The following TRDN variants were observed in gnomAD, a reference collection of about 807,000 sequenced individuals.
TRDN encodes the protein triadin.
TRDN carries 161 observed loss-of-function variants against 149.7 expected under a neutral mutation model. That is an observed-to-expected ratio of 1.08 (90% CI 0.95 to 1.23). The LOEUF (loss-of-function observed/expected upper bound fraction) is 1.23, where lower values mean the gene tolerates loss of function less well. Ranked by LOEUF, TRDN falls within the 50% of genes most tolerant of loss-of-function variation. The probability of loss-of-function intolerance (pLI) is 0.00; values close to 1 mark genes in which losing one functional copy is unlikely to be tolerated. For missense variants in TRDN, 896 were observed against 823.5 expected, an observed-to-expected ratio of 1.09 and a Z score of -1.08; for synonymous variants, 294 against 250.5, an observed-to-expected ratio of 1.17 and a Z score of -1.64.
At chr6:123,249,182 T>C (rs1449042147) in intron 38 of TRDN, among the ~76,000 whole-genome samples, 2 of 151,992 alleles carry the variant, frequency 1.3e-5, no homozygotes. Flanking sequence ...AACAAACATA[T>C]GAAAACATGC....
intron 24 of TRDN, among the ~76,000 whole-genome samples, chr6:123,308,875 T>C (rs1778711145): frequency 6.6e-6 from 1 of 152,114 alleles, no homozygotes; most frequent in Non-Finnish European, 1.5e-5. Flanking sequence ...ATGTCATTAG[T>C]AGTTTTCAAT....
intron 7 of TRDN, chr6:123,509,710 A>G (rs1779082275): frequency 6.6e-6 from 1 of 152,200 alleles, no homozygotes; most frequent in Non-Finnish European, 1.5e-5. Context: ...TTCTTGATCC[A>G]CAGAAACTGT....
chr6:123,565,088 A>G (rs926885350), intron 2 of TRDN, among the ~76,000 whole-genome samples: 3 of 152,206 alleles, frequency 2.0e-5, no homozygotes, highest in African/African-American at 7.2e-5. Flanking sequence ...TTGTTTAGCG[A>G]GAAAGTTGTC....
chr6:123,391,879 G>A (rs534854863), intron 13 of TRDN, among the ~76,000 whole-genome samples: 4 of 152,048 alleles, frequency 2.6e-5, no homozygotes, highest in African/African-American at 7.2e-5. Context: ...TTGTCTCCAC[G>A]TGAAGTACTT....
chr6:123,506,441 A>T (rs1778927836), intron 7 of TRDN, among the ~76,000 whole-genome samples: 2 of 151,080 alleles, frequency 1.3e-5, no homozygotes, highest in South Asian at 4.2e-4. Context: ...TATTTTCTAT[A>T]TTTTTCCACA....
At chr6:123,552,274 C>A (rs931094886) in intron 2 of TRDN, among the ~76,000 whole-genome samples, 1 of 151,974 alleles carries the variant, frequency 6.6e-6, no homozygotes, top group African/African-American at 2.4e-5. Context: ...ACAAGAGAGG[C>A]CAAGAAAAGT....
chr6:123,227,322 G>T (rs530477704), intron 38 of TRDN, among the ~76,000 whole-genome samples: 1 of 152,004 alleles, frequency 6.6e-6, no homozygotes, highest in Admixed American at 6.6e-5. Flanking sequence ...GTAAGAACAA[G>T]AGATTGGTAC....
intron 40 of TRDN, among the ~76,000 whole-genome samples, chr6:123,219,827 C>A (rs1056650650): frequency 2.4e-4 from 37 of 151,742 alleles, no homozygotes; most frequent in African/African-American, 8.0e-4. Context: ...GTTAGGCAGG[C>A]TACAAGAGGG....
intron 38 of TRDN, among the ~76,000 whole-genome samples, chr6:123,247,967 T>G (rs1363884751): frequency 6.6e-6 from 1 of 152,076 alleles, no homozygotes; most frequent in African/African-American, 2.4e-5. Flanking sequence ...CACCTGATCT[T>G]TGACAGACCT....
intron 4 of TRDN, among the ~76,000 whole-genome samples, chr6:123,537,100 T>G (rs1780589299): frequency 6.6e-6 from 1 of 152,286 alleles, no homozygotes; most frequent in Middle Eastern, 3.4e-3. Context: ...GTAAGTATAT[T>G]ATGCCTATAA....
intron 2 of TRDN, among the ~76,000 whole-genome samples, chr6:123,565,868 G>A (rs1382851033): frequency 1.3e-5 from 2 of 152,182 alleles, no homozygotes; most frequent in Non-Finnish European, 2.9e-5. Flanking sequence ...TTGTGGTGGT[G>A]AGAGACAAAC....
chr6:123,584,503 A>G (rs2114592545), intron 1 of TRDN, among the ~76,000 whole-genome samples: 1 of 152,180 alleles, frequency 6.6e-6, no homozygotes, highest in Non-Finnish European at 1.5e-5. Context: ...TAGGAAGGAA[A>G]GGAGTTGTTG....
intron 24 of TRDN, among the ~76,000 whole-genome samples, chr6:123,285,903 G>T (rs1328184011): frequency 1.3e-5 from 2 of 152,012 alleles, no homozygotes; most frequent in Non-Finnish European, 2.9e-5. Context: ...TACATAAATG[G>T]CCAGCGAAAA....
chr6:123,331,889 T>C lies in TRDN; in HGVS notation c.1461A>G (p.Leu487=). Residue 487 remains leucine, a synonymous_variant, in exon 23 of 41, where the codon CTA becomes CTG. Transcript: ENST00000334268. ...KGKEEKVPAS[L]KEKEPETKKD... ...ATTGTATAATATTACCTTTTTCCTT[T>C]AGGGAAGCTGGAACTTTCTCTTCTT... 6.5e-7 allele frequency: 1 copy of C among 1,545,802 alleles called. No individual in the cohort carries two copies.
intron 18 of TRDN, 147 bp downstream of exon 18, chr6:123,377,569 G>T: frequency 1.2e-6 from 1 of 860,920 alleles, no homozygotes; most frequent in Non-Finnish European, 1.8e-6. Flanking sequence ...TTGATGTTAT[G>T]TCCATGTCAA....
chr6:123,296,898 C>A (rs1424457318), intron 24 of TRDN, among the ~76,000 whole-genome samples: 1 of 151,778 alleles, frequency 6.6e-6, no homozygotes, highest in Non-Finnish European at 1.5e-5. Flanking sequence ...TTGTCTCTGA[C>A]AATTAGAACA....
intron 39 of TRDN, among the ~76,000 whole-genome samples, chr6:123,223,567 G>A (rs542710665): frequency 5.9e-5 from 9 of 151,870 alleles, no homozygotes; most frequent in Middle Eastern, 3.4e-3. Context: ...TTTTGTCCTG[G>A]AAATACTTTA....
chr6:123,581,625 T>G (rs1783126274), intron 1 of TRDN, among the ~76,000 whole-genome samples: 1 of 152,156 alleles, frequency 6.6e-6, no homozygotes, highest in Non-Finnish European at 1.5e-5. Flanking sequence ...AGAAAACATT[T>G]TCATGATATG....
At chr6:123,410,206 G>C (rs1458919071) in intron 12 of TRDN, among the ~76,000 whole-genome samples, 1 of 152,172 alleles carries the variant, frequency 6.6e-6, no homozygotes, top group Non-Finnish European at 1.5e-5. Flanking sequence ...ATACAGTACT[G>C]CTCCAGACTA....
Sources: gnomAD v4.1 joint callset for allele counts (sites outside exome capture counted in the v4.1 genomes callset) on GRCh38, gnomAD v4.1.1 for gene constraint, MANE v1.5 for transcripts, NCBI Gene and HGNC (gene_info 2026-07-23, HGNC 2026-07-21) for gene names.